PLIN1: variants seen among roughly 807,000 people sequenced by gnomAD.
PLIN1 encodes the protein perilipin-1.
In PLIN1, 37 loss-of-function variants were observed where a neutral mutation model predicts 45.8. The observed-to-expected ratio is 0.81, with a 90% CI of 0.62 to 1.06. The LOEUF (loss-of-function observed/expected upper bound fraction) is 1.06. Ranked by LOEUF, PLIN1 falls within the 50% of genes least tolerant of loss-of-function variation. The pLI, the probability that PLIN1 is intolerant of heterozygous loss-of-function variation, is 0.00. For missense variants in PLIN1, 776 were observed against 716.5 expected, an observed-to-expected ratio of 1.08 and a Z score of -0.95; for synonymous variants, 340 against 309.2, an observed-to-expected ratio of 1.10 and a Z score of -1.05.
chr15:89,665,554 G>A lies in PLIN1; in HGVS notation c.*29C>T. On this transcript the variant is annotated 3_prime_UTR_variant, in exon 9 of 9. Coordinates refer to ENST00000300055, the MANE Select transcript of PLIN1 (RefSeq NM_002666.5). ...GTTTATTTGTTAGAGAAACCCGCCG[G>A]CCCGGGGCGCGGCGGCTGGTGCGGC... 1 of 1,522,628 alleles carries A rather than the reference G, an allele frequency of 6.6e-7. No homozygotes were observed. The highest frequency in any genetic ancestry group is 2.5e-5 in the East Asian group (1 of 39,406). The allele number at this position is 1,522,628 out of a possible 1,614,324, so 94.3% of individuals were successfully genotyped here. A position where few individuals can be genotyped will look rare whatever the true frequency, so the allele number is the denominator to read the frequency against.
At chr15:89,670,648 T>C (rs143106275) in intron 4 of PLIN1, among the ~76,000 whole-genome samples, 1 of 152,312 alleles carries the variant, frequency 6.6e-6, no homozygotes, top group Non-Finnish European at 1.5e-5. Context: ...TGCACTGAAA[T>C]AATTTGTCTT....
Position 89,670,255 on chromosome 15 carries a change from T to G in PLIN1, c.334-11A>C, listed in dbSNP as rs768092284. ...CAGCTCAGAAGCAATCTGGGGGAAG[T>G]TGGTGGGGGTGTTAGGCATGTGGTC... On this transcript the variant is annotated splice_polypyrimidine_tract_variant and intron_variant, in intron 4 of 8. Coordinates refer to ENST00000300055, the MANE Select transcript of PLIN1 (RefSeq NM_002666.5). The G allele has an allele frequency of 6.2e-7, 1 of 1,607,654 alleles. No individual in the cohort carries two copies. Among genetic ancestry groups the G allele is most frequent in the African/African-American group, 1.3e-5 (1 of 74,736 alleles).
Position 89,664,656 on chromosome 15 carries a change from C to T in PLIN1, c.*927G>A, listed in dbSNP as rs1199673292. On this transcript the variant is annotated 3_prime_UTR_variant, in exon 9 of 9. Coordinates refer to ENST00000300055, the MANE Select transcript of PLIN1 (RefSeq NM_002666.5). ...ACACACGTGCCTGCAGGTGCATAGCCCTGCATACACAAGAGATGGCACCGT... is the reference window on the plus strand; with the variant it reads ...ACACACGTGCCTGCAGGTGCATAGCTCTGCATACACAAGAGATGGCACCGT... 2.8e-6 allele frequency: 1 copy of T among 362,742 alleles called. No individual in the cohort carries two copies. The highest frequency in any genetic ancestry group is 5.4e-6 in the Non-Finnish European group (1 of 183,596). The allele number at this position is 362,742 out of a possible 1,614,324, so 22.5% of individuals were successfully genotyped here.
At chr15:89,667,329 C>A in intron 7 of PLIN1, 148 bp from the exon 8 acceptor site, 2 of 1,097,670 alleles carry the variant, frequency 1.8e-6, no homozygotes, top group Non-Finnish European at 1.3e-6. Flanking sequence ...TGGCCTTGGA[C>A]AGGTCACATT....
Position 89,665,364 on chromosome 15 carries a change from C to A in PLIN1, c.*219G>T. 1 of 375,198 alleles carries A rather than the reference C, an allele frequency of 2.7e-6. No homozygotes were observed. Among genetic ancestry groups the A allele is most frequent in the South Asian group, 8.1e-5 (1 of 12,312 alleles). 23.2% of individuals were successfully genotyped at this position (375,198 alleles called of 1,614,324 possible). A position where few individuals can be genotyped will look rare whatever the true frequency, so the allele number is the denominator to read the frequency against. On this transcript the variant is annotated 3_prime_UTR_variant, in exon 9 of 9. Coordinates refer to ENST00000300055, the MANE Select transcript of PLIN1 (RefSeq NM_002666.5). Reference sequence around the variant, plus strand: ...CAGAGCAGGCTGCGGCTCTGGTGTCCCTTAAAAACTGGCTCTGAGAGTGAA... The same window carrying A: ...CAGAGCAGGCTGCGGCTCTGGTGTCACTTAAAAACTGGCTCTGAGAGTGAA...
At chr15:89,675,197 G>A (rs149059957) in intron 2 of PLIN1, among the ~76,000 whole-genome samples, 137 of 152,210 alleles carry the variant, frequency 9.0e-4, no homozygotes, top group Admixed American at 1.7e-3. Context: ...TGGAACAATC[G>A]TTTATCATTT....
At chr15:89,674,949 T>A (rs368606607) in intron 2 of PLIN1, among the ~76,000 whole-genome samples, 2 of 152,020 alleles carry the variant, frequency 1.3e-5, no homozygotes, top group East Asian at 3.9e-4. Context: ...AAAAAAATAA[T>A]AAATAATAAT....
intron 2 of PLIN1, among the ~76,000 whole-genome samples, chr15:89,676,397 G>A (rs574806146): frequency 7.9e-5 from 12 of 152,182 alleles, no homozygotes; most frequent in South Asian, 4.2e-4. Flanking sequence ...ACAGGCGCCC[G>A]CCACCATACC....
At position 89,666,812 on chromosome 15, in the gene PLIN1, G is replaced by C. The variant is rs1402983277; in HGVS notation, c.1209+124C>G. The C allele has an allele frequency of 1.1e-5, 12 of 1,061,798 alleles. No individual in the cohort carries two copies. The Admixed American group carries it at 1.7e-4, about 15-fold the overall frequency. 65.8% of individuals were successfully genotyped at this position (1,061,798 alleles called of 1,614,324 possible). ...TTGCCAGGGCACTGAGGACTGGAGT[G>C]GGGGGCGGTCTCCAGAGGAGTAGGG... is the stretch of plus-strand genomic sequence containing the variant. On this transcript the variant is annotated intron_variant, in intron 8 of 8. Transcript: ENST00000300055.
chr15:89,669,908 C>G, intron 5 of PLIN1, 72 bp downstream of exon 5: 2 of 1,505,424 alleles, frequency 1.3e-6, no homozygotes, highest in Non-Finnish European at 1.8e-6. Flanking sequence ...GCTGGTTGAG[C>G]CACCTCCTGC....
chr15:89,677,536 C>G, intron 1 of PLIN1, 33 bp from the exon 2 acceptor site: 1 of 1,596,920 alleles, frequency 6.3e-7, no homozygotes, highest in Non-Finnish European at 8.6e-7. Context: ...CCATCAGAAG[C>G]CCTCAGGCTT....
chr15:89,664,709 G>A lies in PLIN1; in HGVS notation c.*874C>T. 1 of 390,990 alleles carries A rather than the reference G, an allele frequency of 2.6e-6. No individual in the cohort carries two copies. The highest frequency in any genetic ancestry group is 7.2e-5 in the East Asian group (1 of 13,912). The allele number at this position is 390,990 out of a possible 1,614,324, so 24.2% of individuals were successfully genotyped here. Reference sequence around the variant, plus strand: ...TGGTTTTCAATGAAGGGGAACAGGGGAGCTCGGGGAGAAAGACACACATCC... The same window carrying A: ...TGGTTTTCAATGAAGGGGAACAGGGAAGCTCGGGGAGAAAGACACACATCC... On this transcript the variant is annotated 3_prime_UTR_variant, in exon 9 of 9. Transcript: ENST00000300055.
chr15:89,672,055 G>A (rs1338170876), intron 3 of PLIN1, among the ~76,000 whole-genome samples: 1 of 152,200 alleles, frequency 6.6e-6, no homozygotes, highest in Non-Finnish European at 1.5e-5. Context: ...GGAAGCAGAT[G>A]GCAGTGAGGC....
intron 3 of PLIN1, 90 bp downstream of exon 3, chr15:89,673,120 C>T: frequency 1.0e-6 from 1 of 983,848 alleles, no homozygotes; most frequent in Non-Finnish European, 1.6e-6. Flanking sequence ...AGCAAGTTAT[C>T]AGACAGTCAG....
At chr15:89,678,645 A>G (rs1964555110) in intron 1 of PLIN1, among the ~76,000 whole-genome samples, 2 of 152,162 alleles carry the variant, frequency 1.3e-5, no homozygotes, top group South Asian at 4.1e-4. Context: ...AGCTGGGTGC[A>G]CTGGCAAGCA....
In PLIN1 at chr15:89,667,133, T is replaced by C. The variant is rs1240713207; in HGVS notation, c.1012A>G (p.Thr338Ala). Reference sequence around the variant, plus strand: ...GTGGTCTGGAGGGTCTTCTGCAGGGTATGTGCCACACCACCCAGGAGGCCT... The same window carrying C: ...GTGGTCTGGAGGGTCTTCTGCAGGGCATGTGCCACACCACCCAGGAGGCCT... Reference protein sequence around the residue: ...PRGLLGGVAHTLQKTLQTTIS... With the variant: ...PRGLLGGVAHALQKTLQTTIS... The change falls in exon 8 of 9, where the codon ACC becomes GCC. Residue 338 changes from threonine (T) to alanine (A), a missense_variant. Coordinates refer to ENST00000300055, the MANE Select transcript of PLIN1 (RefSeq NM_002666.5). 4.3e-6 allele frequency: 7 copies of C among 1,613,302 alleles called. No individual in the cohort carries two copies. The highest frequency in any genetic ancestry group is 5.9e-6 in the Non-Finnish European group (7 of 1,179,472).
At chr15:89,667,319 T>C (rs978173892) in intron 7 of PLIN1, 138 bp from the exon 8 acceptor site, 6 of 1,204,470 alleles carry the variant, frequency 5.0e-6, no homozygotes, top group Admixed American at 3.9e-5. Context: ...ACTAGCAGTG[T>C]GGCCTTGGAC....
chr15:89,678,429 G>C (rs1273692469), intron 1 of PLIN1, among the ~76,000 whole-genome samples: 1 of 151,872 alleles, frequency 6.6e-6, no homozygotes, highest in African/African-American at 2.4e-5. Flanking sequence ...AGGATCGCTT[G>C]AGCCTGAGAG....
rs191988986 is a variant in PLIN1, at chr15:89,668,323, G to A, written c.772-530C>T. Among the ~76,000 whole-genome samples the A allele has an allele frequency of 2.0e-3, 310 of 152,166 alleles. 1 individual carries two copies. Among genetic ancestry groups the A allele is most frequent in the African/African-American group, 7.0e-3 (292 of 41,510 alleles). ...TTTCCTGTAATTTACCCATTCTACCGTTGATGGACATTATCATCGCTTCCA... is the reference window on the plus strand; with the variant it reads ...TTTCCTGTAATTTACCCATTCTACCATTGATGGACATTATCATCGCTTCCA... On this transcript the variant is annotated intron_variant, in intron 6 of 8. Transcript: ENST00000300055.
Sources: gnomAD v4.1 joint callset for allele counts (sites outside exome capture counted in the v4.1 genomes callset) on GRCh38, gnomAD v4.1.1 for gene constraint, MANE v1.5 for transcripts, NCBI Gene and HGNC (gene_info 2026-07-23, HGNC 2026-07-21) for gene names.